The following BCAS3 variants were observed in gnomAD, a reference collection of about 807,000 sequenced individuals.
BCAS3 encodes BCAS4/BCAS3 fusion.
A neutral mutation model predicts 116.1 loss-of-function variants in BCAS3; 53 were observed. The observed-to-expected ratio is 0.46, with a 90% CI of 0.37 to 0.57. The LOEUF is 0.57. BCAS3 is among the 20% of genes least tolerant of loss of function. The pLI is 0.00. For missense variants in BCAS3, 917 were observed against 1,165.4 expected (o/e 0.79, Z 3.10); for synonymous variants, 391 against 408.2 (o/e 0.96, Z 0.51).
rs772900751 is a variant in BCAS3, at chr17:60,754,680, T to TACACAC, written c.403+7457_403+7462dup. 2.3e-3 allele frequency among the ~76,000 whole-genome samples: 329 copies of TACACAC among 145,438 alleles called. 5 individuals carry two copies. Among genetic ancestry groups the TACACAC allele is most frequent in the African/African-American group, 8.3e-3 (308 of 36,906 alleles). ...AGAAATGCAGATGTAAAATTTAAAATACACACACACACACACACACACACA... is the reference window on the plus strand; with the variant it reads ...AGAAATGCAGATGTAAAATTTAAAATACACACACACACACACACACACACACACACA... On this transcript the variant is annotated intron_variant, in intron 6 of 23. Coordinates refer to ENST00000407086, the MANE Select transcript of BCAS3 (RefSeq NM_017679.5).
chr17:60,959,729 C>T (rs2061324373), intron 14 of BCAS3, among the ~76,000 whole-genome samples: 1 of 152,070 alleles, frequency 6.6e-6, no homozygotes, highest in African/African-American at 2.4e-5. Flanking sequence ...CAACAAATTG[C>T]CATGAACTTG....
At chr17:60,987,564 G>T in intron 14 of BCAS3, among the ~76,000 whole-genome samples, 1 of 151,556 alleles carries the variant, frequency 6.6e-6, no homozygotes. Flanking sequence ...CACTTTTTTT[G>T]TTAATCGCTA....
intron 5 of BCAS3, among the ~76,000 whole-genome samples, chr17:60,725,547 T>C (rs1458533235): frequency 1.3e-5 from 2 of 152,214 alleles, no homozygotes; most frequent in Non-Finnish European, 2.9e-5. Context: ...TTGCAGTCTG[T>C]GTCAGTGGTT....
In BCAS3 at chr17:61,045,815, ATCTCTCTTTCTCTC is replaced by A. The variant is rs1326251601; in HGVS notation, c.2029+4931_2029+4944del. On this transcript the variant is annotated intron_variant, in intron 19 of 23. Transcript: ENST00000407086. ...TGGGCAACAGAGTGAGTGAGACTTC[ATCTCTCTTTCTCTC>A]TCTCTCTCTCTCTCTCTCTCTATAT... 4.6e-5 allele frequency among the ~76,000 whole-genome samples: 3 copies of A among 65,636 alleles called. No individual in the cohort carries two copies. In the East Asian group the frequency reaches 1.1e-3, roughly 24 times the overall value. The allele number at this position is 65,636 out of a possible 152,430, so 43.1% of individuals were successfully genotyped here.
chr17:60,738,094 A>C (rs1227178119), intron 5 of BCAS3, among the ~76,000 whole-genome samples: 1 of 152,078 alleles, frequency 6.6e-6, no homozygotes, highest in Non-Finnish European at 1.5e-5. Flanking sequence ...CTGTTCTTTT[A>C]AATTTGTTAA....
At chr17:60,932,263 C>T (rs2059687291) in intron 13 of BCAS3, among the ~76,000 whole-genome samples, 1 of 151,814 alleles carries the variant, frequency 6.6e-6, no homozygotes, top group Non-Finnish European at 1.5e-5. Context: ...AAGTATTAGC[C>T]CAGTAGCTTT....
Position 61,141,545 on chromosome 17 carries a change from G to A in BCAS3, c.2425+56981G>A, listed in dbSNP as rs993659699. On this transcript the variant is annotated intron_variant, in intron 22 of 23. Transcript: ENST00000407086. This position sits in a 1 kb window ranked among gnomAD's most constrained non-coding sequence, Gnocchi z 4.3. ...AGCACTCCAGCCTGGGCGGCAGAGC[G>A]AGACCCTGTCTCAAAAAATAAAATA... Among the ~76,000 whole-genome samples the A allele has an allele frequency of 1.3e-5, 2 of 151,156 alleles. No individual in the cohort carries two copies. Among genetic ancestry groups the A allele is most frequent in the African/African-American group, 4.9e-5 (2 of 41,094 alleles).
chr17:61,165,552 G>A (rs1268297972), intron 22 of BCAS3, among the ~76,000 whole-genome samples: 1 of 152,054 alleles, frequency 6.6e-6, no homozygotes, highest in Non-Finnish European at 1.5e-5. Context: ...CAGGCATGGT[G>A]TCACATGCCT....
rs2058430500 is a variant in BCAS3 at position 61,361,085 on chromosome 17, T to C, written c.2426-7242T>C. Among the ~76,000 whole-genome samples the C allele has an allele frequency of 6.6e-6, 1 of 152,132 alleles. No homozygotes were observed. Among genetic ancestry groups the C allele is most frequent in the South Asian group, 2.1e-4 (1 of 4,826 alleles). ...ACTATTGTTAACGACATTGAAACTA[T>C]TAGTGCCAATGTGAACCCCTTAAAT... On this transcript the variant is annotated intron_variant, in intron 22 of 23. Transcript: ENST00000407086. This position sits in a 1 kb window ranked among gnomAD's most constrained non-coding sequence, Gnocchi z 6.5.
At position 61,278,300 on chromosome 17, in the gene BCAS3, C is replaced by T. The variant is rs2050947515; in HGVS notation, c.2426-90027C>T. 6.6e-6 allele frequency among the ~76,000 whole-genome samples: 1 copy of T among 152,192 alleles called. No homozygotes were observed. The highest frequency in any genetic ancestry group is 1.5e-5 in the Non-Finnish European group (1 of 68,032). ...TTGTGATCCGCCTGCCTCGGCCTCT[C>T]AAAGTGCTGGGATTACAGGCATGAG... On this transcript the variant is annotated intron_variant, in intron 22 of 23. Transcript: ENST00000407086. The surrounding 1 kb of genome is among the most constrained non-coding windows in gnomAD (Gnocchi z 5.8).
chr17:60,847,571 G>A (rs2052650878), intron 7 of BCAS3, among the ~76,000 whole-genome samples: 1 of 152,064 alleles, frequency 6.6e-6, no homozygotes, highest in Non-Finnish European at 1.5e-5. Flanking sequence ...AATTTGATTT[G>A]CATTATCCTA....
At chr17:60,886,758 G>C (rs1344972724) in intron 9 of BCAS3, among the ~76,000 whole-genome samples, 2 of 152,140 alleles carry the variant, frequency 1.3e-5, no homozygotes, top group South Asian at 4.1e-4. Flanking sequence ...AGGCTGCTCG[G>C]GGGTCAGGAG....
intron 12 of BCAS3, among the ~76,000 whole-genome samples, chr17:60,914,332 A>C (rs906051028): frequency 2.0e-5 from 3 of 152,182 alleles, no homozygotes; most frequent in Non-Finnish European, 2.9e-5. Flanking sequence ...ATATTTGTGA[A>C]GTCCATAAAG....
At chr17:61,207,209 A>G (rs1480670649) in intron 22 of BCAS3, among the ~76,000 whole-genome samples, 2 of 152,148 alleles carry the variant, frequency 1.3e-5, no homozygotes. Context: ...CTCTGTCCTT[A>G]TATTACTATA....
In BCAS3 at chr17:61,313,637, G is replaced by A. The variant is rs538207860; in HGVS notation, c.2426-54690G>A. ...CGGGTCCAGCTCGGCGTCCTCCCTC[G>A]GGTCCTGCTCGCTGAAGAGGTACAG... On this transcript the variant is annotated intron_variant, in intron 22 of 23. Coordinates refer to ENST00000407086, the MANE Select transcript of BCAS3 (RefSeq NM_017679.5). The surrounding 1 kb of genome is among the most constrained non-coding windows in gnomAD (Gnocchi z 4.3). Among the ~76,000 whole-genome samples, 20 of 152,302 alleles carry A rather than the reference G, an allele frequency of 1.3e-4. No individual in the cohort carries two copies. The East Asian group carries it at 3.1e-3, about 24-fold the overall frequency.
At position 61,032,637 on chromosome 17, in the gene BCAS3, G is replaced by A. The variant is rs1433152722; in HGVS notation, c.1638-2029G>A. 6.6e-6 allele frequency among the ~76,000 whole-genome samples: 1 copy of A among 152,164 alleles called. No homozygotes were observed. The highest frequency in any genetic ancestry group is 1.5e-5 in the Non-Finnish European group (1 of 68,004). On this transcript the variant is annotated intron_variant, in intron 16 of 23. Coordinates refer to ENST00000407086, the MANE Select transcript of BCAS3 (RefSeq NM_017679.5). This position sits in a 1 kb window ranked among gnomAD's most constrained non-coding sequence, Gnocchi z 4.6. Reference sequence around the variant, plus strand: ...CATGGGAAGGTGCATATTTGTTCAGGTATAGGGCAGAGAAGAGTCTTCCTT... The same window carrying A: ...CATGGGAAGGTGCATATTTGTTCAGATATAGGGCAGAGAAGAGTCTTCCTT...
chr17:60,965,294 T>C (rs2061598407), intron 14 of BCAS3, among the ~76,000 whole-genome samples: 1 of 150,244 alleles, frequency 6.7e-6, no homozygotes, highest in Non-Finnish European at 1.5e-5. Flanking sequence ...CAATCTTGGC[T>C]CACTGCAACC....
chr17:60,764,846 TCTCTAAGGACTTG>T (rs2043923053), intron 6 of BCAS3, among the ~76,000 whole-genome samples: 1 of 152,182 alleles, frequency 6.6e-6, no homozygotes, highest in Non-Finnish European at 1.5e-5. Flanking sequence ...TCTTTGTAGG[TCTCTAAGGACTTG>T]CTTTATGAAT....
rs563534855 is a variant in BCAS3 at position 60,925,661 on chromosome 17, G to A, written c.1087+1161G>A. ...GAAAACGTTTTCTCTCATCAGCCAG[G>A]AGTAAACAGCCTTTCTCCTGTATAT... On this transcript the variant is annotated intron_variant, in intron 13 of 23. Transcript: ENST00000407086. 9.9e-5 allele frequency among the ~76,000 whole-genome samples: 15 copies of A among 152,208 alleles called. No homozygotes were observed. In the Middle Eastern group the frequency reaches 0.02, roughly 207 times the overall value.
Sources: allele counts gnomAD v4.1 joint callset (sites outside exome capture counted in the v4.1 genomes callset), GRCh38; gene constraint gnomAD v4.1.1; non-coding constraint Gnocchi (gnomAD v3.1); transcripts MANE v1.5; gene names NCBI Gene and HGNC (gene_info 2026-07-23, HGNC 2026-07-21).